LPAR3: variants seen among roughly 807,000 people sequenced by gnomAD.
LPAR3 encodes lysophosphatidic acid receptor 3, also known as LPA receptor 3.
LPAR3 carries 7 observed loss-of-function variants against 17.8 expected under a neutral mutation model. The observed-to-expected ratio is 0.39, with a 90% confidence interval of 0.22 to 0.74. LPAR3 has a LOEUF of 0.74. Among genes scored for constraint, LPAR3 ranks in the 30% least tolerant of loss-of-function variants. The pLI is 0.40. For synonymous variants in LPAR3, 179 were observed against 179.9 expected (o/e 0.99, Z 0.04); for missense variants, 391 against 453.4 (o/e 0.86, Z 1.25).
Position 84,866,156 on chromosome 1 carries a change from G to A in LPAR3, c.-18-18C>T, listed in dbSNP as rs754008807. ...TGAACATCCTAGAAAGAAATTTAAA[G>A]AAGAAACAAATATCATTTGTAAAAT... On this transcript the variant is annotated intron_variant, in intron 1 of 2. Coordinates refer to ENST00000370611, the MANE Select transcript of LPAR3 (RefSeq NM_012152.3). 3 of 1,522,478 alleles carry A rather than the reference G, an allele frequency of 2.0e-6. No homozygotes were observed. Among genetic ancestry groups the A allele is most frequent in the Non-Finnish European group, 2.6e-6 (3 of 1,132,760 alleles). The allele number at this position is 1,522,478 out of a possible 1,614,324, so 94.3% of individuals were successfully genotyped here.
At chr1:84,879,316 C>CTTTTTTCTTTTTTTTTTTT (rs1553149965) in intron 1 of LPAR3, among the ~76,000 whole-genome samples, 1 of 120,602 alleles carries the variant, frequency 8.3e-6, no homozygotes, top group African/African-American at 3.5e-5. Flanking sequence ...TTTCTTTTTT[C>CTTTTTTCTTTTTTTTTTTT]TTTTTTTTTT....
intron 2 of LPAR3, among the ~76,000 whole-genome samples, chr1:84,834,949 C>A (rs912180113): frequency 6.6e-6 from 1 of 152,216 alleles, no homozygotes; most frequent in African/African-American, 2.4e-5. Flanking sequence ...AGTCTTTTGA[C>A]AATGAGTTAA....
At chr1:84,852,525 A>G (rs1659738969) in intron 2 of LPAR3, among the ~76,000 whole-genome samples, 2 of 152,128 alleles carry the variant, frequency 1.3e-5, no homozygotes, top group African/African-American at 4.8e-5. Context: ...TCTGCAGGGC[A>G]GCTGAAGCTT....
chr1:84,856,684 G>T (rs1659836278), intron 2 of LPAR3, among the ~76,000 whole-genome samples: 1 of 152,128 alleles, frequency 6.6e-6, no homozygotes, highest in African/African-American at 2.4e-5. Context: ...TAGCAAAGGT[G>T]ATAATAGCAG....
At chr1:84,880,022 AG>A (rs766294002) in intron 1 of LPAR3, among the ~76,000 whole-genome samples, 53 of 152,216 alleles carry the variant, frequency 3.5e-4, no homozygotes, top group Non-Finnish European at 6.8e-4. Flanking sequence ...ATCACTATAT[AG>A]TACATGTATC....
At chr1:84,850,955 C>T (rs559507550) in intron 2 of LPAR3, among the ~76,000 whole-genome samples, 2 of 152,350 alleles carry the variant, frequency 1.3e-5, no homozygotes, top group South Asian at 2.1e-4. Flanking sequence ...CTCTCCCACC[C>T]GCTGTGGGCT....
At chr1:84,842,897 T>A (rs1368815814) in intron 2 of LPAR3, among the ~76,000 whole-genome samples, 1 of 152,164 alleles carries the variant, frequency 6.6e-6, no homozygotes, top group Non-Finnish European at 1.5e-5. Context: ...AAAAAAAAGA[T>A]TCCCTACATG....
At chr1:84,848,647 G>A (rs899178791) in intron 2 of LPAR3, among the ~76,000 whole-genome samples, 12 of 152,268 alleles carry the variant, frequency 7.9e-5, no homozygotes, top group Middle Eastern at 3.4e-3. Context: ...ATGTCCTTCT[G>A]AGAGTCCACT....
intron 2 of LPAR3, among the ~76,000 whole-genome samples, chr1:84,864,943 G>A (rs748148137): frequency 6.6e-6 from 1 of 151,914 alleles, no homozygotes; most frequent in African/African-American, 2.4e-5. Flanking sequence ...CTTCCTGGCT[G>A]GTCAGGGCTC....
intron 1 of LPAR3, among the ~76,000 whole-genome samples, chr1:84,878,298 C>T (rs549966616): frequency 1.4e-4 from 22 of 152,214 alleles, no homozygotes; most frequent in African/African-American, 4.3e-4. Flanking sequence ...CCCCTCCTGC[C>T]GCCTCAGTGA....
At chr1:84,819,612 G>A (rs1033390627) in intron 2 of LPAR3, among the ~76,000 whole-genome samples, 2 of 152,176 alleles carry the variant, frequency 1.3e-5, no homozygotes, top group Non-Finnish European at 2.9e-5. Context: ...AGGGAGCACA[G>A]TTTTTTCAAA....
chr1:84,853,898 T>C (rs568294615), intron 2 of LPAR3, among the ~76,000 whole-genome samples: 7 of 152,356 alleles, frequency 4.6e-5, no homozygotes, highest in African/African-American at 1.7e-4. Context: ...GCCTATTTAA[T>C]TGGGCCTGCA....
intron 2 of LPAR3, among the ~76,000 whole-genome samples, chr1:84,860,833 G>C (rs1659926772): frequency 6.7e-6 from 1 of 149,408 alleles, no homozygotes; most frequent in Non-Finnish European, 1.5e-5. Context: ...CCACCTCCTG[G>C]GTTCAACCAA....
intron 1 of LPAR3, among the ~76,000 whole-genome samples, chr1:84,890,907 G>C (rs1660540961): frequency 6.6e-6 from 1 of 152,220 alleles, no homozygotes; most frequent in South Asian, 2.1e-4. Flanking sequence ...GTGATGTTGA[G>C]AGTGTGTGTC....
In LPAR3 at chr1:84,814,029, G is replaced by A. The variant is rs1449957526; in HGVS notation, c.879C>T (p.Tyr293=). The A allele has an allele frequency of 2.5e-6, 4 of 1,614,174 alleles. No individual in the cohort carries two copies. In the Admixed American group the frequency reaches 5.0e-5, roughly 20 times the overall value. ...CATACATGTCCTCGTCCTTGTAGGA[G>A]TAGATGATGGGGTTCACGACGGAGT... is the stretch of plus-strand genomic sequence containing the variant. ...LLNSVVNPII[Y]SYKDEDMYGT... The change falls in exon 3 of 3, where the codon TAC becomes TAT. Residue 293 remains tyrosine (Y), a synonymous_variant. Transcript: ENST00000370611.
chr1:84,855,329 T>G (rs1659796693), intron 2 of LPAR3, among the ~76,000 whole-genome samples: 1 of 152,196 alleles, frequency 6.6e-6, no homozygotes, highest in Non-Finnish European at 1.5e-5. Context: ...ATATGACGCC[T>G]GAGTCACAGA....
chr1:84,874,364 C>T (rs1247534558), intron 1 of LPAR3, among the ~76,000 whole-genome samples: 3 of 152,156 alleles, frequency 2.0e-5, no homozygotes, highest in Admixed American at 1.3e-4. Context: ...GCCCATGGCA[C>T]GTCAGGGGGC....
chr1:84,839,450 G>T (rs1036214997), intron 2 of LPAR3, among the ~76,000 whole-genome samples: 4 of 152,186 alleles, frequency 2.6e-5, no homozygotes, highest in African/African-American at 4.8e-5. Flanking sequence ...AAAGGTGGAG[G>T]ATTACTTGAG....
At chr1:84,885,828 T>G (rs953789288) in intron 1 of LPAR3, among the ~76,000 whole-genome samples, 1 of 152,142 alleles carries the variant, frequency 6.6e-6, no homozygotes, top group Non-Finnish European at 1.5e-5. Context: ...GCAAAAATAT[T>G]GAAGATAATG....
Sources: allele counts gnomAD v4.1 joint callset (sites outside exome capture counted in the v4.1 genomes callset), GRCh38; gene constraint gnomAD v4.1.1; transcripts MANE v1.5; gene names NCBI Gene and HGNC (gene_info 2026-07-23, HGNC 2026-07-21).